Variants in WDHD1 observed in about 807,000 individuals in gnomAD.
WDHD1 encodes the protein WD repeat and HMG-box DNA binding protein 1.
In WDHD1, 111 loss-of-function variants were observed where a neutral mutation model predicts 135.4. The ratio of observed to expected loss-of-function variants is 0.82; its 90% CI spans 0.70 to 0.96. The LOEUF (loss-of-function observed/expected upper bound fraction) is 0.96, where lower values mean the gene tolerates loss of function less well. Ranked by LOEUF, WDHD1 falls within the 40% of genes least tolerant of loss-of-function variation. The pLI is 0.00. For synonymous variants in WDHD1, 434 were observed against 439.0 expected (o/e 0.99, Z 0.14); for missense variants, 1,351 against 1,336.3 (o/e 1.01, Z -0.17).
intron 24 of WDHD1, among the ~76,000 whole-genome samples, chr14:54,954,455 A>G (rs547526805): frequency 2.0e-5 from 3 of 152,336 alleles, no homozygotes; most frequent in Non-Finnish European, 4.4e-5. Context: ...TTGGAATTAT[A>G]AGTGCAGATT....
At chr14:55,022,279 T>G (rs912294061) in intron 2 of WDHD1, among the ~76,000 whole-genome samples, 1 of 152,200 alleles carries the variant, frequency 6.6e-6, no homozygotes, top group Admixed American at 6.5e-5. Flanking sequence ...GAGTTTATCT[T>G]TTCCCTTCAA....
intron 10 of WDHD1, among the ~76,000 whole-genome samples, chr14:54,997,371 T>C (rs1424473745): frequency 2.6e-5 from 4 of 152,104 alleles, no homozygotes; most frequent in Admixed American, 2.0e-4. Context: ...TCTGGGATTG[T>C]AGGCGTTAGC....
At chr14:54,960,305 T>A (rs1334839330) in intron 21 of WDHD1, among the ~76,000 whole-genome samples, 2 of 151,836 alleles carry the variant, frequency 1.3e-5, no homozygotes, top group Admixed American at 6.6e-5. Context: ...GTAGCTGGGA[T>A]TACAGGTGCC....
In WDHD1 at chr14:54,944,327, C is replaced by A; in HGVS notation, c.3189+5G>T. On this transcript the variant is annotated splice_donor_5th_base_variant and intron_variant, in intron 25 of 25. Coordinates refer to ENST00000360586, the MANE Select transcript of WDHD1 (RefSeq NM_007086.4). ...AGATCTCAATCTCGGCACAATTATCCTTACCTTTCTTTCTTCAGTTGACAA... is the reference window on the plus strand; with the variant it reads ...AGATCTCAATCTCGGCACAATTATCATTACCTTTCTTTCTTCAGTTGACAA... The A allele has an allele frequency of 6.2e-7, 1 of 1,600,308 alleles. No individual in the cohort carries two copies. Among genetic ancestry groups the A allele is most frequent in the Non-Finnish European group, 8.5e-7 (1 of 1,176,978 alleles).
chr14:55,013,613 CAAATT>C lies in WDHD1; in HGVS notation c.78-22_78-18del. ...ACAATAAAACTGTGAAGAAAAGACA[CAAATT>C]AAAGTCATCGGGCATGGTGTCTCAT... On this transcript the variant is annotated intron_variant, in intron 2 of 25. Transcript: ENST00000360586. 1 of 1,595,058 alleles carries C rather than the reference CAAATT, an allele frequency of 6.3e-7. No homozygotes were observed. Among genetic ancestry groups the C allele is most frequent in the Non-Finnish European group, 8.6e-7 (1 of 1,162,796 alleles).
intron 21 of WDHD1, among the ~76,000 whole-genome samples, chr14:54,959,005 A>G (rs2041205403): frequency 6.6e-6 from 1 of 152,070 alleles, no homozygotes; most frequent in Non-Finnish European, 1.5e-5. Context: ...GCTTTTCTCT[A>G]GTGTTTCCTG....
chr14:55,007,182 TG>T (rs1275168295), intron 7 of WDHD1, 97 bp downstream of exon 7: 1 of 945,652 alleles, frequency 1.1e-6, no homozygotes, highest in East Asian at 2.9e-5. Context: ...GAGCCGAGAT[TG>T]CACCACTGCA....
chr14:54,975,216 T>A (rs1394726076), intron 16 of WDHD1, among the ~76,000 whole-genome samples: 1 of 152,198 alleles, frequency 6.6e-6, no homozygotes, highest in Non-Finnish European at 1.5e-5. Context: ...CAGCAAAATT[T>A]ATTAACTCTC....
intron 11 of WDHD1, among the ~76,000 whole-genome samples, 163 bp downstream of exon 11, chr14:54,995,440 T>C (rs895498621): frequency 6.6e-6 from 1 of 152,222 alleles, no homozygotes; most frequent in Non-Finnish European, 1.5e-5. Flanking sequence ...GCTTGGATTA[T>C]AGATTTGAAA....
chr14:54,993,316 CACTATGTTGCCCTGGCTGGTCTTGA>C (rs1197103994), intron 11 of WDHD1, among the ~76,000 whole-genome samples: 1 of 152,108 alleles, frequency 6.6e-6, no homozygotes, highest in African/African-American at 2.4e-5. Flanking sequence ...GAGGAGGTCT[CACTATGTTGCCCTGGCTGGTCTTGA>C]ACTCCTGGCC....
At chr14:54,992,289 G>A (rs929805120) in intron 11 of WDHD1, among the ~76,000 whole-genome samples, 3 of 151,682 alleles carry the variant, frequency 2.0e-5, no homozygotes, top group South Asian at 2.1e-4. Flanking sequence ...TCAGGAGTCC[G>A]AGACCAGATT....
rs1412085880 is a variant in WDHD1, at chr14:55,026,621, T to C, written c.77+90A>G. On this transcript the variant is annotated intron_variant, in intron 2 of 25. Coordinates refer to ENST00000360586, the MANE Select transcript of WDHD1 (RefSeq NM_007086.4). The stretch of plus-strand genomic sequence containing the variant: ...TTTCAACATTATTCCTCTATCCGCA[T>C]GAGTCATTTTTAGCTGACTGCACAT... The C allele has an allele frequency of 2.5e-6, 3 of 1,217,356 alleles. No individual in the cohort carries two copies. In the Admixed American group the frequency reaches 5.1e-5, roughly 21 times the overall value. 75.4% of individuals were successfully genotyped at this position (1,217,356 alleles called of 1,614,324 possible).
At chr14:54,952,491 GAGGA>G (rs1448587702) in intron 24 of WDHD1, among the ~76,000 whole-genome samples, 3 of 152,214 alleles carry the variant, frequency 2.0e-5, no homozygotes, top group Non-Finnish European at 4.4e-5. Flanking sequence ...TGAAATAAAA[GAGGA>G]CACAAACAAA....
chr14:54,962,707 C>T, intron 20 of WDHD1, 31 bp downstream of exon 20: 1 of 1,609,606 alleles, frequency 6.2e-7, no homozygotes, highest in Non-Finnish European at 8.5e-7. Flanking sequence ...TGATAGTTCT[C>T]ATGATTTATG....
At chr14:55,004,641 C>T (rs7159141) in intron 7 of WDHD1, among the ~76,000 whole-genome samples, 3,416 of 152,280 alleles carry the variant, frequency 0.022, 107 homozygotes, top group East Asian at 0.15. Flanking sequence ...TTAGTAGAGA[C>T]AGGGTTTCGC....
chr14:54,966,164 TAAAAAAAAAAA>T (rs34071862), intron 18 of WDHD1, among the ~76,000 whole-genome samples: 1 of 67,198 alleles, frequency 1.5e-5, no homozygotes, highest in Non-Finnish European at 2.5e-5. Context: ...CCATCTCTAC[TAAAAAAAAAAA>T]AAAAAAAAAA....
At chr14:54,965,459 G>A (rs779867172) in intron 18 of WDHD1, among the ~76,000 whole-genome samples, 7 of 152,122 alleles carry the variant, frequency 4.6e-5, no homozygotes, top group African/African-American at 7.2e-5. Flanking sequence ...CTAACAGCCC[G>A]ATCAAAGTTC....
intron 8 of WDHD1, 51 bp downstream of exon 8, chr14:55,002,042 G>A (rs374988591): frequency 2.3e-5 from 29 of 1,274,758 alleles, no homozygotes; most frequent in African/African-American, 2.0e-4. Context: ...GGCAAACTAC[G>A]CATTAACTGC....
In WDHD1 at chr14:55,019,602, C is replaced by T. The variant is rs1170065426; in HGVS notation, c.78-6006G>A. On this transcript the variant is annotated intron_variant, in intron 2 of 25. Coordinates refer to ENST00000360586, the MANE Select transcript of WDHD1 (RefSeq NM_007086.4). ...TAAAGAGTAAGGCGGGGTGTGGTGG[C>T]TCATGCCTGTAACCCCAGCACTTTG... 2.6e-5 allele frequency among the ~76,000 whole-genome samples: 4 copies of T among 152,296 alleles called. No homozygotes were observed. In the East Asian group the frequency reaches 7.7e-4, roughly 29 times the overall value.
Sources: allele counts gnomAD v4.1 joint callset (sites outside exome capture counted in the v4.1 genomes callset), GRCh38; gene constraint gnomAD v4.1.1; transcripts MANE v1.5; gene names NCBI Gene and HGNC (gene_info 2026-07-23, HGNC 2026-07-21).